Variants in VBP1 observed in about 807,000 individuals in gnomAD.
The protein encoded by VBP1 is prefoldin subunit 3.
In VBP1, 4 loss-of-function variants were observed where a neutral mutation model predicts 15.5. That is an observed-to-expected ratio of 0.26 (90% CI 0.13 to 0.59). VBP1 has a LOEUF of 0.59. Among genes scored for constraint, VBP1 ranks in the 20% least tolerant of loss-of-function variants. The pLI, the probability that VBP1 is intolerant of heterozygous loss-of-function variation, is 0.90. For missense variants in VBP1, 108 were observed against 139.6 expected, an observed-to-expected ratio of 0.77 and a Z score of 1.14; for synonymous variants, 61 against 52.1, an observed-to-expected ratio of 1.17 and a Z score of -0.74.
intron 2 of VBP1, among the ~76,000 whole-genome samples, chrX:155,223,785 AC>A (rs1385925149): frequency 2.1e-4 from 17 of 79,942 alleles, no homozygotes; most frequent in Non-Finnish European, 4.1e-4. Flanking sequence ...GGGCAGAGGC[AC>A]CCCCCCACCT....
chrX:155,227,811 G>C (rs1557310381), intron 3 of VBP1, among the ~76,000 whole-genome samples: 1 of 112,193 alleles, frequency 8.9e-6, no homozygotes. Context: ...AGTCTTCTAA[G>C]TCTTAATCCA....
upstream of VBP1, chrX:155,213,779 T>C (rs1231710124): frequency 1.8e-5 from 2 of 112,589 alleles, no homozygotes; most frequent in African/African-American, 6.5e-5. Context: ...AAATTTACAA[T>C]TAAATTCTTT....
upstream of VBP1, among the ~76,000 whole-genome samples, chrX:155,211,911 T>C (rs938399654): frequency 1.2e-4 from 13 of 111,994 alleles, no homozygotes; most frequent in African/African-American, 4.2e-4. Flanking sequence ...GCCATATCCA[T>C]GCCTTTCAAT....
intron 1 of VBP1, among the ~76,000 whole-genome samples, chrX:155,217,857 T>G (rs1041730792): frequency 9.0e-6 from 1 of 111,530 alleles, no homozygotes; most frequent in Non-Finnish European, 1.9e-5. Flanking sequence ...GGGTTTGAAC[T>G]TGGACAATCC....
intron 1 of VBP1, among the ~76,000 whole-genome samples, chrX:155,203,828 A>G (rs193181232): frequency 1.8e-5 from 2 of 112,321 alleles, no homozygotes; most frequent in Non-Finnish European, 3.8e-5. Context: ...TCTCCAATTT[A>G]TCATGCTATA....
chrX:155,200,786 AC>A (rs1249259127), intron 1 of VBP1, among the ~76,000 whole-genome samples: 1 of 110,314 alleles, frequency 9.1e-6, no homozygotes, highest in Non-Finnish European at 1.9e-5. Context: ...AAATAGAGAC[AC>A]AAAAAACCCT....
upstream of VBP1, among the ~76,000 whole-genome samples, chrX:155,214,684 G>A (rs968231610): frequency 9.1e-6 from 1 of 109,713 alleles, no homozygotes; most frequent in Non-Finnish European, 1.9e-5. Flanking sequence ...GGCTACTGAA[G>A]GGTTGCTAAA....
intron 1 of VBP1, among the ~76,000 whole-genome samples, chrX:155,218,565 T>C (rs1178620632): frequency 1.8e-5 from 2 of 111,303 alleles, no homozygotes; most frequent in African/African-American, 6.5e-5. Flanking sequence ...TCTGCTTGAA[T>C]TGTTGTTTCA....
intron 2 of VBP1, among the ~76,000 whole-genome samples, chrX:155,224,891 C>G (rs2074712284): frequency 9.1e-6 from 1 of 110,471 alleles, no homozygotes; most frequent in African/African-American, 3.3e-5. Context: ...TATTATTTCC[C>G]TTTTTTCTGT....
At chrX:155,234,109 GTTTTTTTT>G (rs35367656) in intron 4 of VBP1, among the ~76,000 whole-genome samples, 25 of 28,693 alleles carry the variant, frequency 8.7e-4, no homozygotes, top group African/African-American at 3.5e-3. Flanking sequence ...TTGTTCCTCT[GTTTTTTTT>G]TTTTTTTTTT....
chrX:155,201,946 A>G (rs1321883791), intron 1 of VBP1, among the ~76,000 whole-genome samples: 1 of 111,787 alleles, frequency 8.9e-6, no homozygotes, highest in Admixed American at 9.5e-5. Context: ...AAAAATCACA[A>G]GCATTCTTAT....
chrX:155,227,414 C>T, intron 3 of VBP1, 113 bp downstream of exon 3: 2 of 482,070 alleles, frequency 4.1e-6, no homozygotes, highest in Non-Finnish European at 6.6e-6. Flanking sequence ...ATCCAGTCTG[C>T]CTTCTTAAGC....
intron 4 of VBP1, among the ~76,000 whole-genome samples, chrX:155,229,776 A>G (rs1054002280): frequency 8.9e-6 from 1 of 111,938 alleles, no homozygotes; most frequent in Admixed American, 9.5e-5. Flanking sequence ...ACTTCCCACA[A>G]TCTTCTCCAT....
intron 2 of VBP1, among the ~76,000 whole-genome samples, chrX:155,210,594 G>A (rs2074641439): frequency 8.9e-6 from 1 of 111,928 alleles, no homozygotes; most frequent in Non-Finnish European, 1.9e-5. Flanking sequence ...TACAGATCTA[G>A]TCATGACTCT....
intron 4 of VBP1, among the ~76,000 whole-genome samples, chrX:155,234,109 GTTTTTTTTTTTTTTT>G (rs35367656): frequency 7.0e-5 from 2 of 28,691 alleles, no homozygotes; most frequent in South Asian, 5.1e-3. Context: ...TTGTTCCTCT[GTTTTTTTTTTTTTTT>G]TTTTTTTTTT....
intron 2 of VBP1, among the ~76,000 whole-genome samples, chrX:155,222,574 A>G (rs1351935884): frequency 1.8e-5 from 2 of 111,893 alleles, no homozygotes; most frequent in East Asian, 5.5e-4. Flanking sequence ...TCTAACTAGT[A>G]AATTAATGAT....
chrX:155,235,116 ATGTGTGTGTG>A (rs112094871), intron 4 of VBP1, among the ~76,000 whole-genome samples: 2 of 97,410 alleles, frequency 2.1e-5, no homozygotes, highest in African/African-American at 3.8e-5. Context: ...GTGTGTGTGT[ATGTGTGTGTG>A]TGTGTGTGTG....
intron 1 of VBP1, among the ~76,000 whole-genome samples, chrX:155,204,516 T>A (rs960435674): frequency 9.9e-5 from 11 of 111,642 alleles, no homozygotes; most frequent in African/African-American, 3.6e-4. Flanking sequence ...CAGAAAAAAA[T>A]TATACAGATA....
intron 2 of VBP1, among the ~76,000 whole-genome samples, chrX:155,220,578 C>T (rs1354836583): frequency 1.8e-5 from 2 of 111,289 alleles, no homozygotes; most frequent in African/African-American, 3.3e-5. Context: ...AAAATCATAA[C>T]GTCTTATATG....
Sources: gnomAD v4.1 joint callset for allele counts (sites outside exome capture counted in the v4.1 genomes callset) on GRCh38, gnomAD v4.1.1 for gene constraint, MANE v1.5 for transcripts, NCBI Gene and HGNC (gene_info 2026-07-23, HGNC 2026-07-21) for gene names.